The following MED13L variants were observed in gnomAD, a reference collection of about 807,000 sequenced individuals.
The protein encoded by MED13L is mediator of RNA polymerase II transcription subunit 13-like.
In MED13L, 7 loss-of-function variants were observed where a neutral mutation model predicts 220.9. The observed-to-expected ratio is 0.03, with a 90% confidence interval of 0.02 to 0.06. The LOEUF is 0.06. Among genes scored for constraint, MED13L ranks in the 10% least tolerant of loss-of-function variants. MED13L has a pLI of 1.00. For synonymous variants in MED13L, 1,011 were observed against 1,015.2 expected (o/e 1.00, Z 0.08); for missense variants, 1,965 against 2,760.5 (o/e 0.71, Z 6.46).
At chr12:116,098,707 C>T (rs1224920265) in intron 3 of MED13L, among the ~76,000 whole-genome samples, 3 of 152,132 alleles carry the variant, frequency 2.0e-5, no homozygotes, top group Non-Finnish European at 4.4e-5. Context: ...CTGCGATCTT[C>T]CATTGTTCAC....
chr12:116,007,373 C>T (rs773823578), intron 11 of MED13L, 38 bp downstream of exon 11: 10 of 1,567,302 alleles, frequency 6.4e-6, no homozygotes, highest in Middle Eastern at 1.7e-4. Flanking sequence ...TAGATAGAAA[C>T]CCACACCATG....
rs144928503 is a variant in MED13L, at chr12:116,027,447, T to A, written c.480-4846A>T. Among the ~76,000 whole-genome samples the A allele has an allele frequency of 4.6e-5, 7 of 151,518 alleles. No homozygotes were observed. In the East Asian group the frequency reaches 1.2e-3, roughly 25 times the overall value. On this transcript the variant is annotated intron_variant, in intron 4 of 30. Coordinates refer to ENST00000281928, the MANE Select transcript of MED13L (RefSeq NM_015335.5). ...AACAAACAAACAAACAAACAAACAA[T>A]CCCTAATAATTTTGGTTCCCTCGGG... is the stretch of plus-strand genomic sequence containing the variant.
At chr12:116,152,431 TAA>T (rs1266535626) in intron 2 of MED13L, among the ~76,000 whole-genome samples, 3 of 152,202 alleles carry the variant, frequency 2.0e-5, no homozygotes, top group Admixed American at 1.3e-4. Flanking sequence ...TGTCTGCAGC[TAA>T]AGTTTCTTCA....
chr12:116,183,458 A>G lies in MED13L; in HGVS notation c.310+54010T>C, dbSNP rs926991855. Among the ~76,000 whole-genome samples, 8 of 152,326 alleles carry G rather than the reference A, an allele frequency of 5.3e-5. 1 individual carries two copies. The highest frequency in any genetic ancestry group is 1.3e-4 in the Admixed American group (2 of 15,308). ...GTATTATAAAACATATCAAAGTAAA[A>G]TGACTAGTATTACCAAGAATGACAT... On this transcript the variant is annotated intron_variant, in intron 2 of 30. Coordinates refer to ENST00000281928, the MANE Select transcript of MED13L (RefSeq NM_015335.5).
chr12:116,148,805 A>G (rs1039076339), intron 2 of MED13L, among the ~76,000 whole-genome samples: 1 of 152,172 alleles, frequency 6.6e-6, no homozygotes, highest in African/African-American at 2.4e-5. Flanking sequence ...TAACCAATCA[A>G]TAACCACACT....
intron 4 of MED13L, among the ~76,000 whole-genome samples, chr12:116,053,198 GCA>G (rs1868650185): frequency 6.6e-6 from 1 of 152,022 alleles, no homozygotes; most frequent in South Asian, 2.1e-4. Flanking sequence ...CTAAATTATT[GCA>G]CAGATACAAG....
intron 9 of MED13L, among the ~76,000 whole-genome samples, chr12:116,009,595 C>T (rs1446820815): frequency 2.0e-5 from 3 of 152,122 alleles, no homozygotes; most frequent in Non-Finnish European, 4.4e-5. Context: ...AAAATAACTA[C>T]GCAACTACTC....
At chr12:116,080,473 A>C (rs776981924) in intron 4 of MED13L, among the ~76,000 whole-genome samples, 5 of 152,190 alleles carry the variant, frequency 3.3e-5, no homozygotes, top group Non-Finnish European at 7.4e-5. Context: ...CAGGTTCCCA[A>C]ACCATGTACC....
At chr12:116,117,733 T>G (rs898787729) in intron 2 of MED13L, among the ~76,000 whole-genome samples, 3 of 152,034 alleles carry the variant, frequency 2.0e-5, no homozygotes, top group Non-Finnish European at 2.9e-5. Context: ...TAGAGCCCAA[T>G]GTACCAGTTA....
intron 29 of MED13L, among the ~76,000 whole-genome samples, chr12:115,965,780 T>C (rs1330083823): frequency 2.0e-5 from 3 of 152,152 alleles, no homozygotes; most frequent in Admixed American, 1.3e-4. Flanking sequence ...TGATGCAATA[T>C]AGACTTGGAG....
intron 2 of MED13L, among the ~76,000 whole-genome samples, chr12:116,209,295 C>A (rs1054689170): frequency 1.6e-4 from 24 of 152,256 alleles, no homozygotes; most frequent in Non-Finnish European, 2.6e-4. Context: ...AGAAAAACTA[C>A]AAACCAAGGA....
intron 3 of MED13L, among the ~76,000 whole-genome samples, chr12:116,102,682 C>A: frequency 7.0e-6 from 1 of 142,236 alleles, no homozygotes. Context: ...CGAGTAATCC[C>A]TATATTTTCT....
At chr12:115,977,358 T>C (rs569507608) in intron 23 of MED13L, among the ~76,000 whole-genome samples, 1 of 152,242 alleles carries the variant, frequency 6.6e-6, no homozygotes, top group African/African-American at 2.4e-5. Flanking sequence ...GATTCAAAAC[T>C]CAGGCTGAGA....
intron 2 of MED13L, among the ~76,000 whole-genome samples, chr12:116,184,341 A>C (rs1880738969): frequency 6.6e-6 from 1 of 152,216 alleles, no homozygotes; most frequent in Non-Finnish European, 1.5e-5. Context: ...TCCAAAATAA[A>C]GTTTTTTTAA....
chr12:116,063,373 C>T (rs1177577486), intron 4 of MED13L, among the ~76,000 whole-genome samples: 1 of 152,114 alleles, frequency 6.6e-6, no homozygotes, highest in Admixed American at 6.5e-5. Context: ...AAATAATTAG[C>T]TGGGCATAGT....
intron 2 of MED13L, among the ~76,000 whole-genome samples, chr12:116,125,816 A>G (rs1875539074): frequency 6.6e-6 from 1 of 152,232 alleles, no homozygotes; most frequent in Admixed American, 6.5e-5. Context: ...TTTTATTTTA[A>G]AAACATTTCA....
intron 6 of MED13L, 140 bp from the exon 7 acceptor site, chr12:116,019,552 A>T: frequency 8.8e-7 from 1 of 1,137,230 alleles, no homozygotes; most frequent in Non-Finnish European, 1.3e-6. Context: ...TTCATAAGTT[A>T]ATAGCTGTTT....
At chr12:116,124,762 T>C (rs902522617) in intron 2 of MED13L, among the ~76,000 whole-genome samples, 1 of 152,204 alleles carries the variant, frequency 6.6e-6, no homozygotes, top group African/African-American at 2.4e-5. Context: ...TAAGCCACAT[T>C]ATACTGACAA....
At chr12:116,122,522 A>T (rs10507269) in intron 2 of MED13L, among the ~76,000 whole-genome samples, 22,092 of 152,196 alleles carry the variant, frequency 0.15, 1,855 homozygotes, top group Middle Eastern at 0.21. Flanking sequence ...ATCACTTAAC[A>T]AATCTATGTT....
Sources: gnomAD v4.1 joint callset for allele counts (sites outside exome capture counted in the v4.1 genomes callset) on GRCh38, gnomAD v4.1.1 for gene constraint, MANE v1.5 for transcripts, NCBI Gene and HGNC (gene_info 2026-07-23, HGNC 2026-07-21) for gene names.